Variants in QTMAN observed in about 807,000 individuals in gnomAD.
The protein encoded by QTMAN is tRNA-queuosine alpha-mannosyltransferase.
the QTMAN span, among the ~76,000 whole-genome samples, chr2:144,202,783 T>C: frequency 4.6e-5 from 7 of 152,250 alleles, no homozygotes; most frequent in Non-Finnish European, 1.0e-4. Flanking sequence ...AAGCAGAGTC[T>C]GTTAGGAATA....
At chr2:144,105,005 G>A in the QTMAN span, among the ~76,000 whole-genome samples, 1 of 152,234 alleles carries the variant, frequency 6.6e-6, no homozygotes, top group Non-Finnish European at 1.5e-5. Context: ...AGAGTCTGGA[G>A]TGGACCTCCA....
the QTMAN span, among the ~76,000 whole-genome samples, chr2:144,030,022 GAAT>G: frequency 6.6e-6 from 1 of 152,230 alleles, no homozygotes; most frequent in African/African-American, 2.4e-5. Context: ...AGGTTGAGAA[GAAT>G]TCATTCATTC....
the QTMAN span, among the ~76,000 whole-genome samples, chr2:144,268,106 C>T: frequency 1.9e-4 from 29 of 152,188 alleles, no homozygotes; most frequent in African/African-American, 7.0e-4. Flanking sequence ...TCATGAATGG[C>T]TTGGGGGTGG....
At chr2:144,186,866 T>A in the QTMAN span, among the ~76,000 whole-genome samples, 1 of 152,118 alleles carries the variant, frequency 6.6e-6, no homozygotes, top group South Asian at 2.1e-4. Flanking sequence ...CACCTAACTC[T>A]CCTTTTCAGT....
At chr2:144,294,787 T>C in the QTMAN span, among the ~76,000 whole-genome samples, 1 of 152,266 alleles carries the variant, frequency 6.6e-6, no homozygotes, top group East Asian at 1.9e-4. Context: ...TCCAGAATTT[T>C]GGCTTCACAT....
chr2:144,100,849 GTCTT>G, the QTMAN span, among the ~76,000 whole-genome samples: 7 of 127,294 alleles, frequency 5.5e-5, no homozygotes, highest in Admixed American at 1.5e-4. Context: ...CTTTCATTTA[GTCTT>G]TCTTTCTTTT....
the QTMAN span, chr2:143,964,129 G>A: frequency 3.3e-5 from 5 of 152,206 alleles, no homozygotes; most frequent in East Asian, 9.6e-4. Context: ...AAACAAGAAT[G>A]TGATATAATA....
At chr2:144,014,542 C>G in the QTMAN span, among the ~76,000 whole-genome samples, 4 of 151,976 alleles carry the variant, frequency 2.6e-5, no homozygotes, top group Non-Finnish European at 5.9e-5. Flanking sequence ...CAAGCAAACC[C>G]TACTTATTGG....
the QTMAN span, chr2:144,007,469 C>T: frequency 2.2e-5 from 35 of 1,612,250 alleles, no homozygotes; most frequent in Middle Eastern, 1.7e-4. Flanking sequence ...TGGACAGAAC[C>T]GCACCGCCAT....
chr2:144,068,832 T>C, the QTMAN span, among the ~76,000 whole-genome samples: 2 of 152,210 alleles, frequency 1.3e-5, no homozygotes, highest in Admixed American at 6.5e-5. Context: ...CAAAGCAAAG[T>C]TAAATTTCTA....
At chr2:144,007,558 T>C in the QTMAN span, 5 of 1,464,312 alleles carry the variant, frequency 3.4e-6, no homozygotes, top group African/African-American at 1.4e-5. Context: ...AAGAATGCAA[T>C]ATACTTTTAG....
At chr2:144,231,219 T>TA in the QTMAN span, among the ~76,000 whole-genome samples, 1 of 152,116 alleles carries the variant, frequency 6.6e-6, no homozygotes, top group African/African-American at 2.4e-5. Flanking sequence ...CACATAAACT[T>TA]AAAAATCACT....
the QTMAN span, among the ~76,000 whole-genome samples, chr2:144,105,316 G>A: frequency 3.3e-5 from 5 of 152,188 alleles, no homozygotes; most frequent in African/African-American, 1.2e-4. Context: ...CGAGCTAAAG[G>A]AGGAAGTTCA....
At chr2:144,058,235 C>A in the QTMAN span, among the ~76,000 whole-genome samples, 1 of 149,712 alleles carries the variant, frequency 6.7e-6, no homozygotes, top group East Asian at 2.0e-4. Context: ...CCTGTCCAAT[C>A]TTTCCTTGAA....
At chr2:143,951,915 T>TAAAAA in the QTMAN span, 1 of 792,208 alleles carries the variant, frequency 1.3e-6, no homozygotes, top group South Asian at 1.5e-5. Flanking sequence ...TAAATGTTTT[T>TAAAAA]TTTTAAGATT....
At chr2:144,187,719 G>T in the QTMAN span, among the ~76,000 whole-genome samples, 380 of 152,184 alleles carry the variant, frequency 2.5e-3, 1 homozygote, top group African/African-American at 8.4e-3. Context: ...CACAGAAAAT[G>T]ACAGGCATAT....
At chr2:144,173,118 G>A in the QTMAN span, among the ~76,000 whole-genome samples, 1 of 151,990 alleles carries the variant, frequency 6.6e-6, no homozygotes, top group Non-Finnish European at 1.5e-5. Flanking sequence ...GAAATCTGTT[G>A]CTGTGCTTAA....
the QTMAN span, among the ~76,000 whole-genome samples, chr2:144,154,229 T>C: frequency 6.6e-6 from 1 of 152,188 alleles, no homozygotes; most frequent in Non-Finnish European, 1.5e-5. Context: ...GCTATACAAA[T>C]TGTGGAGAGG....
the QTMAN span, among the ~76,000 whole-genome samples, chr2:144,324,368 T>C: frequency 3.3e-5 from 5 of 152,264 alleles, no homozygotes; most frequent in East Asian, 9.6e-4. Context: ...CTCTAGATAG[T>C]TCATTAATTC....
Sources: allele counts gnomAD v4.1 joint callset (sites outside exome capture counted in the v4.1 genomes callset), GRCh38; gene constraint gnomAD v4.1.1; transcripts MANE v1.5; gene names NCBI Gene and HGNC (gene_info 2026-07-23, HGNC 2026-07-21).